HNRNPUL1: variants seen among roughly 807,000 people sequenced by gnomAD.
HNRNPUL1 encodes the protein heterogeneous nuclear ribonucleoprotein U like 1, also known as heterogeneous nuclear ribonucleoprotein U-like protein 1.
Under a neutral mutation model 108.5 loss-of-function variants are expected in HNRNPUL1, and 14 were observed. The observed-to-expected ratio is 0.13, with a 90% CI of 0.09 to 0.20. HNRNPUL1 has a LOEUF of 0.20. Among genes scored for constraint, HNRNPUL1 ranks in the 10% least tolerant of loss-of-function variants. HNRNPUL1 has a pLI of 1.00. For synonymous variants in HNRNPUL1, 422 were observed against 445.2 expected, an observed-to-expected ratio of 0.95 and a Z score of 0.66; for missense variants, 804 against 1,168.3, an observed-to-expected ratio of 0.69 and a Z score of 4.55.
intron 12 of HNRNPUL1, among the ~76,000 whole-genome samples, chr19:41,303,349 C>T (rs1038598150): frequency 7.5e-6 from 1 of 133,350 alleles, no homozygotes; most frequent in East Asian, 2.3e-4. Flanking sequence ...AGCTTCCTCT[C>T]ATTTTTTTTT....
intron 5 of HNRNPUL1, chr19:41,276,580 T>C (rs1469243423): frequency 7.3e-6 from 2 of 274,954 alleles, no homozygotes; most frequent in Non-Finnish European, 1.4e-5. Flanking sequence ...GACATGTTTG[T>C]AGAACTGAGA....
At chr19:41,280,759 C>G (rs2035855238) in intron 6 of HNRNPUL1, among the ~76,000 whole-genome samples, 1 of 152,108 alleles carries the variant, frequency 6.6e-6, no homozygotes, top group Non-Finnish European at 1.5e-5. Context: ...TCCTCATGGT[C>G]TCCAGGAGCA....
intron 7 of HNRNPUL1, among the ~76,000 whole-genome samples, chr19:41,284,083 A>G (rs1358189946): frequency 6.6e-6 from 1 of 152,186 alleles, no homozygotes; most frequent in Non-Finnish European, 1.5e-5. Flanking sequence ...GTATTTTTTA[A>G]TCATGTTACT....
chr19:41,300,505 TCTTA>T (rs768981786), intron 10 of HNRNPUL1, among the ~76,000 whole-genome samples: 16 of 152,148 alleles, frequency 1.1e-4, no homozygotes, highest in East Asian at 1.9e-4. Flanking sequence ...GGTGCCTGGG[TCTTA>T]CTTCTAGAGG....
At chr19:41,297,564 A>G (rs2036963155) in intron 10 of HNRNPUL1, among the ~76,000 whole-genome samples, 1 of 152,184 alleles carries the variant, frequency 6.6e-6, no homozygotes, top group Non-Finnish European at 1.5e-5. Context: ...GGGCCTCAAA[A>G]TGGAGTACAG....
At position 41,302,711 on chromosome 19, in the gene HNRNPUL1, G is replaced by C. The variant is rs1449267955; in HGVS notation, c.1734G>C (p.Leu578=). The C allele has an allele frequency of 6.2e-7, 1 of 1,614,190 alleles. No homozygotes were observed. The highest frequency in any genetic ancestry group is 1.1e-5 in the South Asian group (1 of 91,086). Residue 578 remains leucine (L), a synonymous_variant, in exon 12 of 15, where the codon CTG becomes CTC. Coordinates refer to ENST00000392006, the MANE Select transcript of HNRNPUL1 (RefSeq NM_007040.6). ...PDVGDFLDEV[L]FIELQREEAD... ...TTGGGGACTTCCTGGATGAGGTTCT[G>C]TTCATTGAGCTGCAGCGGGAGGAAG... is the stretch of plus-strand genomic sequence containing the variant.
At position 41,269,045 on chromosome 19, in the gene HNRNPUL1, G is replaced by T. The variant is rs369938610; in HGVS notation, c.418+700G>T. 9.9e-5 allele frequency among the ~76,000 whole-genome samples: 15 copies of T among 152,124 alleles called. No individual in the cohort carries two copies. The East Asian group carries it at 2.1e-3, about 22-fold the overall frequency. On this transcript the variant is annotated intron_variant, in intron 2 of 14. Coordinates refer to ENST00000392006, the MANE Select transcript of HNRNPUL1 (RefSeq NM_007040.6). ...ATTATTAGGGGATTCTCAGAAAAGG[G>T]TTCCTTAGCCAAATGTGTCTGGAAA... is the stretch of plus-strand genomic sequence containing the variant.
intron 10 of HNRNPUL1, chr19:41,298,673 A>G (rs530416326): frequency 2.1e-4 from 32 of 152,272 alleles, no homozygotes; most frequent in African/African-American, 6.3e-4. Context: ...CTCAATTCCA[A>G]AGTGCCTGAG....
intron 6 of HNRNPUL1, among the ~76,000 whole-genome samples, chr19:41,280,746 C>G (rs890182020): frequency 3.9e-5 from 6 of 152,138 alleles, no homozygotes; most frequent in Non-Finnish European, 7.3e-5. Flanking sequence ...TCCCAGGGGT[C>G]AGTCCTCATG....
Position 41,264,725 on chromosome 19 carries a change from G to A in HNRNPUL1, c.222G>A (p.Gly74=). The A allele has an allele frequency of 6.9e-7, 1 of 1,441,742 alleles. No homozygotes were observed. Among genetic ancestry groups the A allele is most frequent in the Admixed American group, 2.6e-5 (1 of 38,904 alleles). 89.3% of individuals were successfully genotyped at this position (1,441,742 alleles called of 1,614,324 possible). A position where few individuals can be genotyped will look rare whatever the true frequency, so the allele number is the denominator to read the frequency against. The change falls in exon 1 of 15, where the codon GGG becomes GGA. Residue 74 remains glycine, a synonymous_variant. Transcript: ENST00000392006. ...CCGAGGGGGGCTCCGAGCTGGAGGG[G>A]ACCGCGCAGCCACCGCCGCCCGGGC... ...VETEGGSELE[G]TAQPPPPGLQ...
chr19:41,276,027 C>T (rs926774650), intron 4 of HNRNPUL1, 132 bp from the exon 5 acceptor site: 79 of 1,084,600 alleles, frequency 7.3e-5, no homozygotes, highest in South Asian at 1.0e-4. Context: ...CACTTGAACC[C>T]GGGAGGCGGA....
At chr19:41,293,502 C>G (rs1459970424) in intron 8 of HNRNPUL1, among the ~76,000 whole-genome samples, 1 of 152,206 alleles carries the variant, frequency 6.6e-6, no homozygotes, top group African/African-American at 2.4e-5. Flanking sequence ...CGCCACTCCC[C>G]CCTAGTCGGG....
chr19:41,305,542 A>G, intron 13 of HNRNPUL1, 134 bp from the exon 14 acceptor site: 1 of 1,096,800 alleles, frequency 9.1e-7, no homozygotes, highest in South Asian at 1.4e-5. Flanking sequence ...CAGCCCACAA[A>G]CAATGTCCAC....
intron 3 of HNRNPUL1, among the ~76,000 whole-genome samples, chr19:41,272,683 C>G (rs2035315629): frequency 6.6e-6 from 1 of 152,192 alleles, no homozygotes; most frequent in Non-Finnish European, 1.5e-5. Flanking sequence ...TACAGATGGA[C>G]AGTGGGTTTT....
chr19:41,284,825 G>A (rs1056335702), intron 7 of HNRNPUL1, among the ~76,000 whole-genome samples: 14 of 151,968 alleles, frequency 9.2e-5, no homozygotes, highest in South Asian at 2.1e-4. Flanking sequence ...GTGAAACCCC[G>A]TCTCTACTAA....
rs144718578 is a variant in HNRNPUL1, at chr19:41,276,289, C to T, written c.777C>T (p.Phe259=). The T allele has an allele frequency of 3.6e-3, 5,736 of 1,604,990 alleles. 11 individuals are homozygous for T. The highest frequency in any genetic ancestry group is 4.0e-3 in the Non-Finnish European group (4,739 of 1,173,436). The change falls in exon 5 of 15, where the codon TTC becomes TTT. Residue 259 remains phenylalanine, a synonymous_variant. Transcript: ENST00000392006. Reference sequence around the variant, plus strand: ...GGGTCAGAAGGGGCCGTGTATGCTTCGAGATGAAGGTGAGTAGGAGCAAGA... The same window carrying T: ...GGGTCAGAAGGGGCCGTGTATGCTTTGAGATGAAGGTGAGTAGGAGCAAGA... ...SYGVRRGRVC[F]EMKINEEISV... is the part of the protein sequence containing the mutation.
intron 8 of HNRNPUL1, among the ~76,000 whole-genome samples, chr19:41,293,835 T>G (rs2036730710): frequency 6.6e-6 from 1 of 152,038 alleles, no homozygotes; most frequent in Non-Finnish European, 1.5e-5. Context: ...CTCTCATTTC[T>G]ACCAAAAAAA....
intron 6 of HNRNPUL1, 45 bp downstream of exon 6, chr19:41,279,221 C>T: frequency 7.4e-7 from 1 of 1,349,628 alleles, no homozygotes; most frequent in Non-Finnish European, 1.1e-6. Context: ...GAGTGACTGT[C>T]CCTACCCTTG....
rs115786240 is a variant in HNRNPUL1 at position 41,268,288 on chromosome 19, G to C, written c.361G>C (p.Glu121Gln). ...YDTQVIKQEN[E>Q]SGYERRPLEM... Reference sequence around the variant, plus strand: ...TACCCAAGTCATCAAACAAGAAAACGAGTCAGGCTACGAGAGGAGACCACT... The same window carrying C: ...TACCCAAGTCATCAAACAAGAAAACCAGTCAGGCTACGAGAGGAGACCACT... The change falls in exon 2 of 15, where the codon GAG (glutamate) becomes CAG (glutamine). Residue 121 changes from glutamate to glutamine, a missense_variant. Physicochemically the swap from Glu to Gln is conservative, Grantham distance 29. Around this residue, in one of 4 missense-constraint regions of HNRNPUL1, gnomAD observed 256 missense variants for 261.6 expected, o/e 0.98. Coordinates refer to ENST00000392006, the MANE Select transcript of HNRNPUL1 (RefSeq NM_007040.6). 1.2e-6 allele frequency: 2 copies of C among 1,614,024 alleles called. No individual in the cohort carries two copies. The highest frequency in any genetic ancestry group is 1.7e-6 in the Non-Finnish European group (2 of 1,179,966).
Sources: allele counts gnomAD v4.1 joint callset (sites outside exome capture counted in the v4.1 genomes callset), GRCh38; gene constraint gnomAD v4.1.1; regional missense constraint gnomAD v4.1.1; transcripts MANE v1.5; gene names NCBI Gene and HGNC (gene_info 2026-07-23, HGNC 2026-07-21).